The following KCP variants were observed in gnomAD, a reference collection of about 807,000 sequenced individuals.
KCP encodes kielin/chordin-like protein.
A neutral mutation model predicts 212.7 loss-of-function variants in KCP; 194 were observed. The observed-to-expected ratio is 0.91, with a 90% CI of 0.81 to 1.03. KCP has a LOEUF of 1.03. KCP is among the 50% of genes least tolerant of loss of function. The pLI is 0.00. For synonymous variants in KCP, 833 were observed against 865.3 expected (o/e 0.96, Z 0.65); for missense variants, 2,080 against 2,162.5 (o/e 0.96, Z 0.76).
chr7:128,880,012 A>G lies in KCP; in HGVS notation c.3833T>C (p.Phe1278Ser). ...CLPRPASCMA[F>S]GDPHYRTFDG... The stretch of plus-strand genomic sequence containing the variant: ...GAAGGTGCGGTAATGGGGGTCTCCG[A>G]AGGCCATGCAGGAAGCGGGCCGAGG... The change falls in exon 35 of 40, where the codon TTC (phenylalanine) becomes TCC (serine). Residue 1278 changes from phenylalanine (F) to serine (S), a missense_variant. Coordinates refer to ENST00000610776, the MANE Select transcript of KCP (RefSeq NM_001366122.1). 6.5e-7 allele frequency: 1 copy of G among 1,550,142 alleles called. No individual in the cohort carries two copies. The highest frequency in any genetic ancestry group is 8.7e-7 in the Non-Finnish European group (1 of 1,146,922).
chr7:128,900,130 A>T (rs1371552459), intron 8 of KCP, among the ~76,000 whole-genome samples: 2 of 152,232 alleles, frequency 1.3e-5, no homozygotes, highest in African/African-American at 2.4e-5. Flanking sequence ...ACAGAGTTCC[A>T]TCAAAGCCAA....
At chr7:128,879,336 A>T in intron 37 of KCP, 186 bp downstream of exon 37, 1 of 590,938 alleles carries the variant, frequency 1.7e-6, no homozygotes, top group East Asian at 2.8e-5. Flanking sequence ...CAGAACTCAG[A>T]ACTCCTCTGA....
At chr7:128,893,503 G>A (rs775026977) in intron 11 of KCP, 27 bp from the exon 12 acceptor site, 1 of 1,484,248 alleles carries the variant, frequency 6.7e-7, no homozygotes, top group Non-Finnish European at 9.2e-7. Context: ...GGGCGTGGGG[G>A]TATAGGGCTG....
chr7:128,879,766 C>T lies in KCP; in HGVS notation c.3996G>A (p.Val1332=), dbSNP rs1793204813. 1 of 1,550,568 alleles carries T rather than the reference C, an allele frequency of 6.4e-7. No homozygotes were observed. Among genetic ancestry groups the T allele is most frequent in the South Asian group, 1.2e-5 (1 of 84,058 alleles). Residue 1332 remains valine, a synonymous_variant, in exon 36 of 40, where the codon GTG becomes GTA. Coordinates refer to ENST00000610776, the MANE Select transcript of KCP (RefSeq NM_001366122.1). ...SGVAWTQEVA[V]LLGDMAVRLL... ...GCCGCACGGCCATGTCTCCCAGCAG[C>T]ACCGCCACCTCCTGGGTCCAGGCCA...
intron 34 of KCP, 96 bp from the exon 35 acceptor site, chr7:128,880,181 A>T: frequency 7.4e-7 from 1 of 1,348,918 alleles, no homozygotes; most frequent in Non-Finnish European, 9.9e-7. Context: ...AGGAGTCTCC[A>T]GGGATCTCCA....
intron 1 of KCP, 46 bp downstream of exon 1, chr7:128,910,554 AG>A: frequency 6.8e-7 from 1 of 1,476,354 alleles, no homozygotes; most frequent in Non-Finnish European, 9.0e-7. Flanking sequence ...GATAGGAGGG[AG>A]GGGGCGCACC....
Position 128,894,009 on chromosome 7 carries a change from G to A in KCP, c.972C>T (p.Gly324=), listed in dbSNP as rs1041156466. ...GREHRSGEPV[G]SGDPCSHCRC... ...GGCAGTGCGAGCAGGGGTCCCCTGA[G>A]CCCACAGGCTCCCCGCTGCGGTGCT... Residue 324 remains glycine, a synonymous_variant, in exon 10 of 40, where the codon GGC becomes GGT. Transcript: ENST00000610776. 8 of 1,550,126 alleles carry A rather than the reference G, an allele frequency of 5.2e-6. No homozygotes were observed. In the African/African-American group the frequency reaches 1.1e-4, roughly 21 times the overall value.
In KCP at chr7:128,877,296, A is replaced by AG. The variant is rs1216309304; in HGVS notation, c.4633dup (p.Leu1545ProfsTer8). The AG allele has an allele frequency of 2.0e-6, 3 of 1,516,360 alleles. No homozygotes were observed. Among genetic ancestry groups the AG allele is most frequent in the Admixed American group, 2.5e-5 (1 of 40,794 alleles). The allele number at this position is 1,516,360 out of a possible 1,614,324, so 93.9% of individuals were successfully genotyped here. A position where few individuals can be genotyped will look rare whatever the true frequency, so the allele number is the denominator to read the frequency against. Reference sequence around the variant, plus strand: ...CTCATCAAACACGAAGCCACGCTCCAGGGGGCAGCCTACCACTGCAGGGGG... The same window carrying AG: ...CTCATCAAACACGAAGCCACGCTCCAGGGGGGCAGCCTACCACTGCAGGGGG... On this transcript the variant is annotated frameshift_variant, in exon 40 of 40. Coordinates refer to ENST00000610776, the MANE Select transcript of KCP (RefSeq NM_001366122.1). LOFTEE classifies it high-confidence loss of function.
rs1217738697 is a variant in KCP, at chr7:128,879,548, T to A, written c.4120A>T (p.Ile1374Phe). Residue 1374 changes from isoleucine (I) to phenylalanine (F), a missense_variant, in exon 37 of 40, where the codon ATC becomes TTC. Physicochemically the swap from Ile to Phe is conservative, Grantham distance 21. Coordinates refer to ENST00000610776, the MANE Select transcript of KCP (RefSeq NM_001366122.1). Reference sequence around the variant, plus strand: ...TGGAGCCCGGGCTGGGCGTGCAGGATCACAGTGTGTCCTCGCAGCTCCACA... The same window carrying A: ...TGGAGCCCGGGCTGGGCGTGCAGGAACACAGTGTGTCCTCGCAGCTCCACA... Reference protein sequence around the residue: ...LYVELRGHTVILHAQPGLQVL... With the variant: ...LYVELRGHTVFLHAQPGLQVL... The A allele has an allele frequency of 1.4e-5, 21 of 1,549,934 alleles. No homozygotes were observed. The Admixed American group carries it at 4.1e-4, about 30-fold the overall frequency.
intron 21 of KCP, 97 bp from the exon 22 acceptor site, chr7:128,889,136 G>C (rs922283958): frequency 2.5e-6 from 2 of 812,616 alleles, no homozygotes; most frequent in Non-Finnish European, 3.4e-6. Flanking sequence ...ATGCATCCAA[G>C]ATCTCAAAGA....
intron 5 of KCP, among the ~76,000 whole-genome samples, chr7:128,904,911 G>C (rs1795047259): frequency 6.6e-6 from 1 of 152,242 alleles, no homozygotes; most frequent in Non-Finnish European, 1.5e-5. Context: ...CTTGAGGAAA[G>C]GGTGCCTTTT....
chr7:128,908,118 G>A (rs1487429238), intron 2 of KCP, among the ~76,000 whole-genome samples: 1 of 118,366 alleles, frequency 8.4e-6, no homozygotes, highest in African/African-American at 4.2e-5. Flanking sequence ...GACACATGGT[G>A]ACTCCATCTC....
chr7:128,903,694 T>C, intron 7 of KCP, 33 bp downstream of exon 7: 1 of 1,491,212 alleles, frequency 6.7e-7, no homozygotes, highest in Non-Finnish European at 9.0e-7. Context: ...AACCTACCTG[T>C]GGCTCTACCA....
rs369973824 is a variant in KCP, at chr7:128,907,246, G to A, written c.409+18C>T. 38 of 1,536,038 alleles carry A rather than the reference G, an allele frequency of 2.5e-5. No homozygotes were observed. The highest frequency in any genetic ancestry group is 2.3e-4 in the African/African-American group (17 of 72,794). On this transcript the variant is annotated intron_variant, in intron 3 of 39. Coordinates refer to ENST00000610776, the MANE Select transcript of KCP (RefSeq NM_001366122.1). ...AGGTCTTTAGGTGGCCCCAGTGGGCGGATAGGGTGGCACTTACCCCTGCAA... is the reference window on the plus strand; with the variant it reads ...AGGTCTTTAGGTGGCCCCAGTGGGCAGATAGGGTGGCACTTACCCCTGCAA...
rs958570305 is a variant in KCP, at chr7:128,894,135, G to A, written c.925+65C>T. The A allele has an allele frequency of 4.6e-6, 7 of 1,511,504 alleles. No homozygotes were observed. The Admixed American group carries it at 1.0e-4, about 22-fold the overall frequency. 93.6% of individuals were successfully genotyped at this position (1,511,504 alleles called of 1,614,324 possible). On this transcript the variant is annotated intron_variant, in intron 9 of 39. Coordinates refer to ENST00000610776, the MANE Select transcript of KCP (RefSeq NM_001366122.1). ...TGGCCTTCATGGGCCCCCGAGCAGGGCCACCCATCAATTTTCTCCAGGTTG... is the reference window on the plus strand; with the variant it reads ...TGGCCTTCATGGGCCCCCGAGCAGGACCACCCATCAATTTTCTCCAGGTTG...
At chr7:128,886,184 T>C (rs1432364250) in intron 26 of KCP, among the ~76,000 whole-genome samples, 1 of 152,154 alleles carries the variant, frequency 6.6e-6, no homozygotes, top group African/African-American at 2.4e-5. Flanking sequence ...CCTCCCACCT[T>C]GGCCTCCCAA....
intron 22 of KCP, among the ~76,000 whole-genome samples, chr7:128,887,844 TACAC>T (rs1160405303): frequency 1.2e-5 from 1 of 80,212 alleles, no homozygotes; most frequent in African/African-American, 5.6e-5. Context: ...CACACACACA[TACAC>T]ACATACCCAC....
chr7:128,898,811 GGTTAAA>G (rs1172461712), intron 8 of KCP, among the ~76,000 whole-genome samples: 7 of 152,192 alleles, frequency 4.6e-5, no homozygotes, highest in African/African-American at 1.2e-4. Context: ...TGAACATATT[GGTTAAA>G]GTTAAAGGGG....
At chr7:128,901,353 G>A (rs1179866352) in intron 8 of KCP, among the ~76,000 whole-genome samples, 3 of 152,352 alleles carry the variant, frequency 2.0e-5, no homozygotes, top group South Asian at 2.1e-4. Flanking sequence ...TTGGCCGGGC[G>A]TGGTGGCTCA....
Sources: allele counts gnomAD v4.1 joint callset (sites outside exome capture counted in the v4.1 genomes callset), GRCh38; gene constraint gnomAD v4.1.1; transcripts MANE v1.5; gene names NCBI Gene and HGNC (gene_info 2026-07-23, HGNC 2026-07-21).